The following CPNE5 variants were observed in gnomAD, a reference collection of about 807,000 sequenced individuals.
The protein encoded by CPNE5 is copine 5, also known as copine-5.
Under a neutral mutation model 81.1 loss-of-function variants are expected in CPNE5, and 42 were observed. The ratio of observed to expected loss-of-function variants is 0.52; its 90% CI spans 0.40 to 0.67. CPNE5 has a LOEUF of 0.67. CPNE5 is among the 30% of genes least tolerant of loss of function. The probability of loss-of-function intolerance (pLI) is 0.00; values close to 1 mark genes in which losing one functional copy is unlikely to be tolerated. For missense variants in CPNE5, 612 were observed against 815.5 expected, an observed-to-expected ratio of 0.75 and a Z score of 3.04; for synonymous variants, 313 against 321.5, an observed-to-expected ratio of 0.97 and a Z score of 0.28.
chr6:36,800,914 C>T (rs1770046631), intron 3 of CPNE5, among the ~76,000 whole-genome samples: 1 of 152,160 alleles, frequency 6.6e-6, no homozygotes, highest in South Asian at 2.1e-4. Flanking sequence ...TGGAATCCTG[C>T]CAACAACCAC....
rs369082882 is a variant in CPNE5, at chr6:36,809,519, T to A, written c.184-9449A>T. Among the ~76,000 whole-genome samples the A allele has an allele frequency of 2.0e-5, 3 of 151,978 alleles. No individual in the cohort carries two copies. In the East Asian group the frequency reaches 5.8e-4, roughly 29 times the overall value. ...TGAGCCCAGGAGATTGAGGCTGCAGTGAGCCGTGATTGTGCCACTGCACTC... is the reference window on the plus strand; with the variant it reads ...TGAGCCCAGGAGATTGAGGCTGCAGAGAGCCGTGATTGTGCCACTGCACTC... On this transcript the variant is annotated intron_variant, in intron 3 of 20. Coordinates refer to ENST00000244751, the MANE Select transcript of CPNE5 (RefSeq NM_020939.2).
In CPNE5 at chr6:36,746,255, A is replaced by C; in HGVS notation, c.1200+141T>G. 2 of 1,412,456 alleles carry C rather than the reference A, an allele frequency of 1.4e-6. No homozygotes were observed. The highest frequency in any genetic ancestry group is 9.2e-7 in the Non-Finnish European group (1 of 1,087,178). 87.5% of individuals were successfully genotyped at this position (1,412,456 alleles called of 1,614,324 possible). On this transcript the variant is annotated intron_variant, in intron 16 of 20. Coordinates refer to ENST00000244751, the MANE Select transcript of CPNE5 (RefSeq NM_020939.2). The surrounding 1 kb of genome is among the most constrained non-coding windows in gnomAD (Gnocchi z 4.5). ...GGGAGTGGATTTCTGGAGCCCCCCT[A>C]CACACAGCAGGCAGTCTACCTCCAC...
At chr6:36,823,911 G>A (rs909278393) in intron 1 of CPNE5, among the ~76,000 whole-genome samples, 2 of 152,224 alleles carry the variant, frequency 1.3e-5, no homozygotes, top group Non-Finnish European at 2.9e-5. Flanking sequence ...GAGAGGAGGG[G>A]AGGATGGGCA....
intron 8 of CPNE5, among the ~76,000 whole-genome samples, chr6:36,784,000 T>C (rs1027039593): frequency 6.6e-6 from 1 of 152,214 alleles, no homozygotes; most frequent in Non-Finnish European, 1.5e-5. Context: ...CAACCTCAGT[T>C]TGAGAAGTCA....
chr6:36,803,803 A>T (rs1013777826), intron 3 of CPNE5, among the ~76,000 whole-genome samples: 3 of 152,192 alleles, frequency 2.0e-5, no homozygotes, highest in Non-Finnish European at 2.9e-5. Context: ...TATATGCTTT[A>T]ACAGGTGTTT....
At position 36,748,243 on chromosome 6, in the gene CPNE5, G is replaced by C. The variant is rs770348459; in HGVS notation, c.996C>G (p.Ala332=). 2.5e-6 allele frequency: 4 copies of C among 1,614,038 alleles called. No individual in the cohort carries two copies. In the African/African-American group the frequency reaches 5.3e-5, roughly 22 times the overall value. The part of the protein sequence containing the change: ...KGGTQINFTV[A]IDFTASNGNP... ...CACCATTGGAGGCAGTGAAATCAAT[G>C]GCCACAGTGAAGTTGATCTGGGTCC... is the stretch of plus-strand genomic sequence containing the variant. Residue 332 remains alanine, a synonymous_variant, in exon 15 of 21, where the codon GCC becomes GCG. Transcript: ENST00000244751.
chr6:36,746,706 T>G lies in CPNE5; in HGVS notation c.1019-129A>C. On this transcript the variant is annotated intron_variant, in intron 15 of 20. Coordinates refer to ENST00000244751, the MANE Select transcript of CPNE5 (RefSeq NM_020939.2). This position sits in a 1 kb window ranked among gnomAD's most constrained non-coding sequence, Gnocchi z 4.5. ...ATTCTTGACTCCTCTCTTTCTCTCATACCCCATGTTAAATCCTTCAGCAAA... is the reference window on the plus strand; with the variant it reads ...ATTCTTGACTCCTCTCTTTCTCTCAGACCCCATGTTAAATCCTTCAGCAAA... 3 of 753,400 alleles carry G rather than the reference T, an allele frequency of 4.0e-6. No homozygotes were observed. Among genetic ancestry groups the G allele is most frequent in the Non-Finnish European group, 6.4e-6 (3 of 469,210 alleles). The allele number at this position is 753,400 out of a possible 1,614,324, so 46.7% of individuals were successfully genotyped here.
chr6:36,794,092 G>C (rs1488467994), intron 7 of CPNE5, among the ~76,000 whole-genome samples: 1 of 152,102 alleles, frequency 6.6e-6, no homozygotes, highest in African/African-American at 2.4e-5. Flanking sequence ...ACGAGCAAAC[G>C]TGAAAAGTGG....
Position 36,794,714 on chromosome 6 carries a change from C to T in CPNE5, c.405-65G>A, listed in dbSNP as rs76066627. The T allele has an allele frequency of 2.9e-4, 420 of 1,443,932 alleles. 2 individuals carry two copies. In the East Asian group the frequency reaches 9.4e-3, roughly 32 times the overall value. The allele number at this position is 1,443,932 out of a possible 1,614,324, so 89.4% of individuals were successfully genotyped here. A position where few individuals can be genotyped will look rare whatever the true frequency, so the allele number is the denominator to read the frequency against. On this transcript the variant is annotated intron_variant, in intron 6 of 20. Transcript: ENST00000244751. ...GAGTACCCCCACCCAGACAGGCCAG[C>T]GCACTTGGCATCCAGATGCTTGGAG...
At chr6:36,777,821 T>C (rs924023300) in intron 9 of CPNE5, among the ~76,000 whole-genome samples, 3 of 133,910 alleles carry the variant, frequency 2.2e-5, no homozygotes, top group Non-Finnish European at 4.7e-5. Context: ...GGGAATTGGA[T>C]TGGGGGGACG....
At chr6:36,743,592 G>C in intron 20 of CPNE5, 97 bp downstream of exon 20, 1 of 1,197,632 alleles carries the variant, frequency 8.3e-7, no homozygotes, top group Non-Finnish European at 1.2e-6. Flanking sequence ...CTCCCTTCTG[G>C]GCCCTTCACC....
intron 12 of CPNE5, among the ~76,000 whole-genome samples, chr6:36,759,834 G>A (rs1582771166): frequency 2.0e-5 from 3 of 151,846 alleles, no homozygotes; most frequent in African/African-American, 4.8e-5. Context: ...GCAGGACGGG[G>A]ATGAATGTGG....
chr6:36,789,797 C>T (rs989645591), intron 8 of CPNE5, among the ~76,000 whole-genome samples: 3 of 152,138 alleles, frequency 2.0e-5, no homozygotes, highest in African/African-American at 7.2e-5. Context: ...GATGGGTCCT[C>T]GGGAATGCCT....
rs780863700 is a variant in CPNE5 at position 36,741,762 on chromosome 6, C to G, written c.*506G>C. ...CGCATCCAGTGTCCCTGGGAGGGTG[C>G]ACATGTTCAGGCCTTCCTGCAAACC... is the stretch of plus-strand genomic sequence containing the variant. On this transcript the variant is annotated 3_prime_UTR_variant, in exon 21 of 21. Coordinates refer to ENST00000244751, the MANE Select transcript of CPNE5 (RefSeq NM_020939.2). 6.5e-6 allele frequency: 1 copy of G among 154,224 alleles called. No individual in the cohort carries two copies. Among genetic ancestry groups the G allele is most frequent in the Non-Finnish European group, 1.4e-5 (1 of 69,594 alleles). 9.6% of individuals were successfully genotyped at this position (154,224 alleles called of 1,614,324 possible).
intron 14 of CPNE5, among the ~76,000 whole-genome samples, chr6:36,749,390 T>G (rs971878344): frequency 6.6e-6 from 1 of 152,218 alleles, no homozygotes; most frequent in African/African-American, 2.4e-5. Context: ...ACAAACCAAT[T>G]TTAAAACTAT....
chr6:36,792,248 A>G (rs1056958521), intron 7 of CPNE5, 152 bp from the exon 8 acceptor site: 5 of 1,292,340 alleles, frequency 3.9e-6, no homozygotes. Flanking sequence ...GTCTCCTGAG[A>G]TCCTTGTGGC....
intron 8 of CPNE5, among the ~76,000 whole-genome samples, chr6:36,783,263 T>C (rs545042883): frequency 1.1e-3 from 166 of 151,060 alleles, no homozygotes; most frequent in Middle Eastern, 6.9e-3. Flanking sequence ...GAAAAATAAC[T>C]AATGGGTGCT....
In CPNE5 at chr6:36,746,545, T is replaced by C. The variant is rs1023077501; in HGVS notation, c.1051A>G (p.Met351Val). 3 of 1,613,670 alleles carry C rather than the reference T, an allele frequency of 1.9e-6. No individual in the cohort carries two copies. Among genetic ancestry groups the C allele is most frequent in the South Asian group, 1.1e-5 (1 of 91,072 alleles). The change falls in exon 16 of 21, where the codon ATG becomes GTG. Residue 351 changes from methionine (M) to valine (V), a missense_variant. Met to Val is a conservative substitution (Grantham distance 21). Coordinates refer to ENST00000244751, the MANE Select transcript of CPNE5 (RefSeq NM_020939.2). This position sits in a 1 kb window ranked among gnomAD's most constrained non-coding sequence, Gnocchi z 4.5. ...TAGGCGTTCAGCTGGTAGGGGCTCA[T>C]GTAGTGCAGGGATGTGGACTGTGAG... ...NPSQSTSLHY[M>V]SPYQLNAYAL... is the part of the protein sequence containing the mutation.
intron 1 of CPNE5, among the ~76,000 whole-genome samples, chr6:36,823,394 C>T (rs1009311715): frequency 6.6e-6 from 1 of 152,182 alleles, no homozygotes; most frequent in South Asian, 2.1e-4. Flanking sequence ...CACTCACCAT[C>T]GGGGGATTTC....
Sources: allele counts gnomAD v4.1 joint callset (sites outside exome capture counted in the v4.1 genomes callset), GRCh38; gene constraint gnomAD v4.1.1; non-coding constraint Gnocchi (gnomAD v3.1); transcripts MANE v1.5; gene names NCBI Gene and HGNC (gene_info 2026-07-23, HGNC 2026-07-21).